MYO5B: variants seen among roughly 807,000 people sequenced by gnomAD.
MYO5B encodes myosin VB, also known as unconventional myosin-Vb.
MYO5B carries 143 observed loss-of-function variants against 229.3 expected under a neutral mutation model. The ratio of observed to expected loss-of-function variants is 0.62; its 90% CI spans 0.54 to 0.72. The LOEUF is 0.72. MYO5B is among the 30% of genes least tolerant of loss of function. MYO5B has a pLI of 0.00. For synonymous variants in MYO5B, 918 were observed against 885.2 expected, an observed-to-expected ratio of 1.04 and a Z score of -0.66; for missense variants, 2,321 against 2,331.0, an observed-to-expected ratio of 1.00 and a Z score of 0.09.
At chr18:49,862,221 C>T (rs944834937) in intron 29 of MYO5B, among the ~76,000 whole-genome samples, 4 of 152,168 alleles carry the variant, frequency 2.6e-5, no homozygotes, top group Non-Finnish European at 4.4e-5. Flanking sequence ...TGGTCTCAAA[C>T]TCCTGACCTC....
At chr18:49,828,800 A>G (rs748616962) in intron 39 of MYO5B, among the ~76,000 whole-genome samples, 5 of 152,222 alleles carry the variant, frequency 3.3e-5, no homozygotes, top group Admixed American at 6.5e-5. Flanking sequence ...CAAATAGCCA[A>G]TGGGCTAAAG....
In MYO5B at chr18:49,971,218, T is replaced by TA. The variant is rs1231851135; in HGVS notation, c.1322+3131_1322+3132insT. On this transcript the variant is annotated intron_variant, in intron 10 of 39. Coordinates refer to ENST00000285039, the MANE Select transcript of MYO5B (RefSeq NM_001080467.3). Reference sequence around the variant, plus strand: ...TAGTCATGAATAGAATAAAGCCTAATGACTGGAATGAGTTTGAACTGGGAA... The same window carrying TA: ...TAGTCATGAATAGAATAAAGCCTAATAGACTGGAATGAGTTTGAACTGGGAA... Among the ~76,000 whole-genome samples, 4 of 152,284 alleles carry TA rather than the reference T, an allele frequency of 2.6e-5. No individual in the cohort carries two copies. In the East Asian group the frequency reaches 7.7e-4, roughly 29 times the overall value.
chr18:50,166,426 C>T (rs1051421558), intron 1 of MYO5B, among the ~76,000 whole-genome samples: 2 of 152,202 alleles, frequency 1.3e-5, no homozygotes, highest in African/African-American at 4.8e-5. Context: ...GCTAACTCTT[C>T]TGTTTAAACA....
chr18:49,984,899 T>A lies in MYO5B; in HGVS notation c.839-74A>T. 3.7e-6 allele frequency: 4 copies of A among 1,075,718 alleles called. No homozygotes were observed. In the South Asian group the frequency reaches 3.8e-5, roughly 10 times the overall value. The allele number at this position is 1,075,718 out of a possible 1,614,324, so 66.6% of individuals were successfully genotyped here. A position where few individuals can be genotyped will look rare whatever the true frequency, so the allele number is the denominator to read the frequency against. On this transcript the variant is annotated intron_variant, in intron 7 of 39. Coordinates refer to ENST00000285039, the MANE Select transcript of MYO5B (RefSeq NM_001080467.3). ...CCCACAGATCGTGACCCATGAAAAT[T>A]CTACTCCGTTAGCATGCTATCCCAG...
chr18:50,133,586 G>A (rs189331943), intron 1 of MYO5B, among the ~76,000 whole-genome samples: 26 of 152,104 alleles, frequency 1.7e-4, no homozygotes, highest in East Asian at 1.5e-3. Context: ...CCATCCCTCC[G>A]TCCGTCCGTC....
intron 1 of MYO5B, among the ~76,000 whole-genome samples, chr18:50,145,774 G>GA (rs1283385802): frequency 2.0e-5 from 3 of 151,718 alleles, no homozygotes; most frequent in Admixed American, 6.6e-5. Context: ...TGCAAACAAG[G>GA]AAAAAAAATG....
intron 5 of MYO5B, among the ~76,000 whole-genome samples, chr18:49,998,130 G>C (rs2026009875): frequency 6.6e-6 from 1 of 151,954 alleles, no homozygotes; most frequent in Non-Finnish European, 1.5e-5. Flanking sequence ...TTCTACTCAG[G>C]GTTCTTCCTG....
intron 8 of MYO5B, among the ~76,000 whole-genome samples, chr18:49,982,399 A>G (rs2025825566): frequency 6.6e-6 from 1 of 152,160 alleles, no homozygotes; most frequent in Admixed American, 6.5e-5. Context: ...GTCAATTTCC[A>G]AAGACCGAAC....
chr18:50,049,111 G>A (rs1460697478), intron 2 of MYO5B, among the ~76,000 whole-genome samples: 3 of 151,750 alleles, frequency 2.0e-5, no homozygotes, highest in Non-Finnish European at 4.4e-5. Flanking sequence ...ATCCTGCCAT[G>A]GCCACCACTG....
chr18:50,090,338 C>CAAAAAA (rs11393869), intron 1 of MYO5B, among the ~76,000 whole-genome samples: 26 of 136,378 alleles, frequency 1.9e-4, no homozygotes, highest in South Asian at 7.4e-4. Flanking sequence ...GCAAGACCCT[C>CAAAAAA]AAAAAAAAAA....
chr18:49,967,923 T>C (rs938953197), intron 10 of MYO5B, among the ~76,000 whole-genome samples: 6 of 152,204 alleles, frequency 3.9e-5, no homozygotes, highest in Non-Finnish European at 5.9e-5. Context: ...AGGTCAGTTA[T>C]TCTTCTTGAG....
chr18:50,070,732 C>T lies in MYO5B; in HGVS notation c.28-15354G>A, dbSNP rs572006755. Among the ~76,000 whole-genome samples the T allele has an allele frequency of 3.7e-4, 57 of 152,122 alleles. 1 individual carries two copies. Among genetic ancestry groups the T allele is most frequent in the Admixed American group, 3.4e-3 (52 of 15,280 alleles). ...CAGGATAAGTTCATACAAGACTGTT[C>T]GCAACTGGCCCAAATGATTTTTCTG... On this transcript the variant is annotated intron_variant, in intron 1 of 39. Transcript: ENST00000285039.
At chr18:50,134,411 C>G (rs940848510) in intron 1 of MYO5B, among the ~76,000 whole-genome samples, 1 of 151,820 alleles carries the variant, frequency 6.6e-6, no homozygotes, top group Admixed American at 6.6e-5. Context: ...AAAACTTAGC[C>G]AGGTGTGGTG....
intron 1 of MYO5B, among the ~76,000 whole-genome samples, chr18:50,087,016 A>G (rs1235134548): frequency 6.6e-6 from 1 of 152,236 alleles, no homozygotes; most frequent in Non-Finnish European, 1.5e-5. Context: ...GACTCACAAT[A>G]ATAGCACACC....
intron 27 of MYO5B, among the ~76,000 whole-genome samples, chr18:49,867,039 C>T (rs498209): frequency 6.6e-6 from 1 of 150,994 alleles, no homozygotes; most frequent in Non-Finnish European, 1.5e-5. Context: ...CAGAGCAGAG[C>T]TGGTGGGGGT....
chr18:50,115,541 CAGAG>C (rs765565196), intron 1 of MYO5B, among the ~76,000 whole-genome samples: 1,301 of 65,502 alleles, frequency 0.02, 11 homozygotes, highest in African/African-American at 0.069. Flanking sequence ...CACACACACA[CAGAG>C]AGACACACAC....
chr18:49,911,390 T>C (rs1002051133), intron 18 of MYO5B, among the ~76,000 whole-genome samples: 1 of 152,226 alleles, frequency 6.6e-6, no homozygotes, highest in African/African-American at 2.4e-5. Context: ...GAAGTTTGCA[T>C]AACTTTGGTA....
intron 1 of MYO5B, among the ~76,000 whole-genome samples, chr18:50,120,166 G>A (rs1042051294): frequency 1.3e-5 from 2 of 152,218 alleles, no homozygotes; most frequent in South Asian, 4.1e-4. Context: ...ATCGAGCAGT[G>A]CTTTCAATTT....
At chr18:49,933,944 C>T (rs1790781) in intron 16 of MYO5B, among the ~76,000 whole-genome samples, 150,364 of 152,336 alleles carry the variant, frequency 0.99, 74,216 homozygotes, top group Middle Eastern at 1. Context: ...GACACAATCA[C>T]AGCTCACTGC....
Sources: allele counts gnomAD v4.1 joint callset (sites outside exome capture counted in the v4.1 genomes callset), GRCh38; gene constraint gnomAD v4.1.1; transcripts MANE v1.5; gene names NCBI Gene and HGNC (gene_info 2026-07-23, HGNC 2026-07-21).